Variants in ACACB observed in about 807,000 individuals in gnomAD.
ACACB encodes the protein acetyl-CoA carboxylase 2.
In ACACB, 209 loss-of-function variants were observed where a neutral mutation model predicts 278.8. That is an observed-to-expected ratio of 0.75 (90% CI 0.67 to 0.84). The LOEUF (loss-of-function observed/expected upper bound fraction) is 0.84, where lower values mean the gene tolerates loss of function less well. ACACB is among the 40% of genes least tolerant of loss of function. The probability of loss-of-function intolerance (pLI) is 0.00; values close to 1 mark genes in which losing one functional copy is unlikely to be tolerated. For missense variants in ACACB, 2,850 were observed against 3,269.0 expected, an observed-to-expected ratio of 0.87 and a Z score of 3.13; for synonymous variants, 1,174 against 1,285.6, an observed-to-expected ratio of 0.91 and a Z score of 1.86.
At chr12:109,209,926 T>C (rs1325552000) in intron 21 of ACACB, among the ~76,000 whole-genome samples, 2 of 110,034 alleles carry the variant, frequency 1.8e-5, no homozygotes, top group Non-Finnish European at 3.8e-5. Context: ...TGTATATATG[T>C]GTATACACAC....
intron 49 of ACACB, 76 bp from the exon 50 acceptor site, chr12:109,264,156 A>G: frequency 3.2e-6 from 2 of 631,036 alleles, no homozygotes; most frequent in East Asian, 7.3e-5. Context: ...GCCTTCTTCA[A>G]AAAAAAAAAA....
At chr12:109,115,305 A>T (rs1252501466), upstream of ACACB, among the ~76,000 whole-genome samples, 1 of 152,188 alleles carries the variant, frequency 6.6e-6, no homozygotes, top group Non-Finnish European at 1.5e-5. Flanking sequence ...TCAAAGCCTA[A>T]TAGTCCTGCC....
rs1417400593 is a variant in ACACB, at chr12:109,210,241, G to GTA, written c.3249+895_3249+896dup. On this transcript the variant is annotated intron_variant, in intron 21 of 52. Coordinates refer to ENST00000338432, the MANE Select transcript of ACACB (RefSeq NM_001093.4). ...CACACATGTGTGTATATGTATATAT[G>GTA]TATATATACACACATGTGTGTATAT... 3.1e-4 allele frequency among the ~76,000 whole-genome samples: 10 copies of GTA among 32,436 alleles called. 1 individual carries two copies. The East Asian group carries it at 4.2e-3, about 14-fold the overall frequency. 21.3% of individuals were successfully genotyped at this position (32,436 alleles called of 152,430 possible).
intron 2 of ACACB, among the ~76,000 whole-genome samples, chr12:109,159,927 T>TA (rs1428770989): frequency 1.3e-5 from 2 of 151,784 alleles, no homozygotes; most frequent in East Asian, 3.9e-4. Context: ...CCATTTCTAC[T>TA]AAAAATACAA....
chr12:109,135,755 G>T (rs1179473225), intron 1 of ACACB, among the ~76,000 whole-genome samples: 1 of 150,948 alleles, frequency 6.6e-6, no homozygotes, highest in Non-Finnish European at 1.5e-5. Context: ...TTTTATTCTT[G>T]TGCATGTGGA....
At chr12:109,233,169 G>C (rs2046526206) in intron 29 of ACACB, among the ~76,000 whole-genome samples, 2 of 152,056 alleles carry the variant, frequency 1.3e-5, no homozygotes, top group African/African-American at 4.8e-5. Flanking sequence ...GAATAATAAA[G>C]GACTCACTTC....
chr12:109,123,332 C>T (rs2042597099), intron 1 of ACACB, among the ~76,000 whole-genome samples: 2 of 152,068 alleles, frequency 1.3e-5, no homozygotes, highest in Admixed American at 6.6e-5. Flanking sequence ...AATACTTCAA[C>T]ATGCATGTCA....
Position 109,174,181 on chromosome 12 carries a change from C to G in ACACB, c.1167C>G (p.Thr389=), listed in dbSNP as rs143245708. The G allele has an allele frequency of 6.2e-7, 1 of 1,613,374 alleles. No individual in the cohort carries two copies. The highest frequency in any genetic ancestry group is 1.7e-5 in the Admixed American group (1 of 59,960). The change falls in exon 7 of 53, where the codon ACC becomes ACG. Residue 389 remains threonine (T), a synonymous_variant. Transcript: ENST00000338432. ...MWALGDKIAS[T]VVAQTLQVPT... is the part of the protein sequence containing the mutation. ...CCTTAGGAGATAAGATCGCCTCCACCGTTGTCGCCCAGACGCTACAGGTCC... is the reference window on the plus strand; with the variant it reads ...CCTTAGGAGATAAGATCGCCTCCACGGTTGTCGCCCAGACGCTACAGGTCC...
At chr12:109,251,551 T>C (rs565462223) in intron 41 of ACACB, among the ~76,000 whole-genome samples, 87 of 152,340 alleles carry the variant, frequency 5.7e-4, no homozygotes, top group African/African-American at 2.0e-3. Flanking sequence ...AGTTATAAGA[T>C]ACTACAGAGA....
intron 22 of ACACB, among the ~76,000 whole-genome samples, chr12:109,214,707 T>G (rs540736509): frequency 6.6e-6 from 1 of 152,046 alleles, no homozygotes; most frequent in Non-Finnish European, 1.5e-5. Flanking sequence ...GATGCTGCCA[T>G]GAAGCGTCTA....
At chr12:109,193,507 T>C in intron 15 of ACACB, 141 bp from the exon 16 acceptor site, 1 of 668,146 alleles carries the variant, frequency 1.5e-6, no homozygotes, top group Non-Finnish European at 2.7e-6. Flanking sequence ...CGTGAGCCAT[T>C]GCGCCCAGCC....
rs141310727 is a variant in ACACB, at chr12:109,197,043, C to T, written c.2517C>T (p.Ile839=). 2 of 1,587,790 alleles carry T rather than the reference C, an allele frequency of 1.3e-6. No homozygotes were observed. Among genetic ancestry groups the T allele is most frequent in the Non-Finnish European group, 1.7e-6 (2 of 1,169,610 alleles). The part of the protein sequence containing the change: ...ARQSLTMFVL[I]MNGCHIEIDA... ...AGTCTCTGACCATGTTCGTTCTCAT[C>T]ATGAATGGCTGCCACATCGAGATTG... The change falls in exon 17 of 53, where the codon ATC becomes ATT. Residue 839 remains isoleucine (I), a synonymous_variant. Transcript: ENST00000338432.
intron 29 of ACACB, among the ~76,000 whole-genome samples, chr12:109,233,145 T>C (rs1219450408): frequency 6.6e-6 from 1 of 152,210 alleles, no homozygotes. Context: ...TTCGTTTTCT[T>C]ATCTGTAAAA....
intron 1 of ACACB, among the ~76,000 whole-genome samples, chr12:109,129,830 G>A (rs555929416): frequency 6.6e-6 from 1 of 152,354 alleles, no homozygotes; most frequent in Non-Finnish European, 1.5e-5. Flanking sequence ...AGGACTGACA[G>A]GTGCTGTGAA....
chr12:109,185,891 T>C (rs2044643219), intron 12 of ACACB, 151 bp downstream of exon 12: 3 of 656,388 alleles, frequency 4.6e-6, no homozygotes, highest in Non-Finnish European at 7.2e-6. Context: ...GGACATCCCA[T>C]GGTTTATTTG....
At chr12:109,169,936 T>C (rs986455893) in intron 4 of ACACB, among the ~76,000 whole-genome samples, 12 of 152,296 alleles carry the variant, frequency 7.9e-5, no homozygotes, top group Middle Eastern at 3.4e-3. Context: ...CTGGGATTTC[T>C]TTCTGTGTTT....
In ACACB at chr12:109,266,911, T is replaced by A. The variant is rs1369438518; in HGVS notation, c.*549T>A. 6.6e-6 allele frequency: 1 copy of A among 150,952 alleles called. No homozygotes were observed. The highest frequency in any genetic ancestry group is 1.5e-5 in the Non-Finnish European group (1 of 67,686). The allele number at this position is 150,952 out of a possible 1,614,324, so 9.4% of individuals were successfully genotyped here. A position where few individuals can be genotyped will look rare whatever the true frequency, so the allele number is the denominator to read the frequency against. ...CAGAAAAATGTATGGATGAATTTTT[T>A]TTTTTTTTTTTGAGACAAAGTCTCA... On this transcript the variant is annotated 3_prime_UTR_variant, in exon 53 of 53. Coordinates refer to ENST00000338432, the MANE Select transcript of ACACB (RefSeq NM_001093.4).
At chr12:109,163,957 G>A (rs936024747) in intron 2 of ACACB, among the ~76,000 whole-genome samples, 8 of 152,170 alleles carry the variant, frequency 5.3e-5, no homozygotes, top group African/African-American at 9.7e-5. Context: ...GCCCATCAAG[G>A]AAGTATTTGA....
chr12:109,242,391 T>C (rs1268241148), intron 36 of ACACB, 46 bp from the exon 37 acceptor site: 1 of 1,584,084 alleles, frequency 6.3e-7, no homozygotes, highest in South Asian at 1.1e-5. Context: ...TTGGGGGAGA[T>C]GTGTGATTCT....
Sources: gnomAD v4.1 joint callset for allele counts (sites outside exome capture counted in the v4.1 genomes callset) on GRCh38, gnomAD v4.1.1 for gene constraint, MANE v1.5 for transcripts, NCBI Gene and HGNC (gene_info 2026-07-23, HGNC 2026-07-21) for gene names.